NBPF6: variants seen among roughly 807,000 people sequenced by gnomAD.
NBPF6 encodes the protein NBPF family member NBPF6.
NBPF6 carries 2 observed loss-of-function variants against 20.8 expected under a neutral mutation model. That is an observed-to-expected ratio of 0.10 (90% CI 0.04 to 0.30). NBPF6 has a LOEUF of 0.30. Ranked by LOEUF, NBPF6 falls within the 10% of genes least tolerant of loss-of-function variation. NBPF6 has a pLI of 1.00. For missense variants in NBPF6, 85 were observed against 260.3 expected (o/e 0.33, Z 4.63); for synonymous variants, 24 against 100.0 (o/e 0.24, Z 4.53).
In NBPF6 at chr1:108,470,585, T is replaced by C. The variant is rs915766102; in HGVS notation, c.1876-12T>C. 6.5e-7 allele frequency: 1 copy of C among 1,547,198 alleles called. No homozygotes were observed. The highest frequency in any genetic ancestry group is 1.2e-5 in the South Asian group (1 of 83,012). On this transcript the variant is annotated splice_polypyrimidine_tract_variant and intron_variant, in intron 14 of 14. Coordinates refer to ENST00000495380, the MANE Select transcript of NBPF6 (RefSeq NM_001143988.2). ...ATGCTCATTTGATTTTTTTTCTCTC[T>C]CTCCCCTACAGATACCAAATACTGC...
At chr1:108,430,181 G>T in the NBPF6 span, among the ~76,000 whole-genome samples, 1 of 33,506 alleles carries the variant, frequency 3.0e-5, no homozygotes, top group Non-Finnish European at 1.1e-4. Flanking sequence ...CCATTTGCTT[G>T]GTAAATTTTC....
In NBPF6 at chr1:108,471,223, G is replaced by A. The variant is rs1355419656; in HGVS notation, c.*585G>A. Among the ~76,000 whole-genome samples the A allele has an allele frequency of 6.6e-6, 1 of 152,192 alleles. No homozygotes were observed. The highest frequency in any genetic ancestry group is 1.9e-4 in the East Asian group (1 of 5,194). ...ACCCAAAACATCTCCTTATCTTTTT[G>A]TTGTTGTCATCGATGGTGGTGACAT... On this transcript the variant is annotated 3_prime_UTR_variant, in exon 15 of 15. Coordinates refer to ENST00000495380, the MANE Select transcript of NBPF6 (RefSeq NM_001143988.2).
chr1:108,469,422 CT>C (rs1653339132), intron 14 of NBPF6, among the ~76,000 whole-genome samples: 1 of 150,594 alleles, frequency 6.6e-6, no homozygotes, highest in Non-Finnish European at 1.5e-5. Context: ...ATTGGTCCCC[CT>C]GTCCTGAAGA....
At position 108,471,705 on chromosome 1, in the gene NBPF6, C is replaced by G. The variant is rs925510532; in HGVS notation, c.*1067C>G. Among the ~76,000 whole-genome samples, 1 of 152,090 alleles carries G rather than the reference C, an allele frequency of 6.6e-6. No homozygotes were observed. The highest frequency in any genetic ancestry group is 1.5e-5 in the Non-Finnish European group (1 of 68,010). The stretch of plus-strand genomic sequence containing the variant: ...CATTCTGTCGTAAAAAGGAACATTC[C>G]CTGCCCAAAGTTTGACTTTCATCCA... On this transcript the variant is annotated 3_prime_UTR_variant, in exon 15 of 15. Coordinates refer to ENST00000495380, the MANE Select transcript of NBPF6 (RefSeq NM_001143988.2).
rs1239563400 is a variant in NBPF6 at position 108,465,342 on chromosome 1, C to T, written c.1578C>T (p.Asn526=). 2.2e-5 allele frequency: 24 copies of T among 1,098,800 alleles called. 9 individuals carry two copies. Among genetic ancestry groups the T allele is most frequent in the African/African-American group, 6.9e-5 (3 of 43,434 alleles). 68.1% of individuals were successfully genotyped at this position (1,098,800 alleles called of 1,614,324 possible). The change falls in exon 13 of 15, where the codon AAC becomes AAT. Residue 526 remains asparagine, a synonymous_variant. Coordinates refer to ENST00000495380, the MANE Select transcript of NBPF6 (RefSeq NM_001143988.2). ...TGGATCAAGGGTTCCACTGTGGGAA[C>T]GGCTTGGCCCAGCGGGGCCTTTCCT... The part of the protein sequence containing the change: ...LQLDQGFHCG[N]GLAQRGLSST...
At chr1:108,426,990 CTCTT>C in the NBPF6 span, among the ~76,000 whole-genome samples, 21 of 28,152 alleles carry the variant, frequency 7.5e-4, 1 homozygote, top group East Asian at 0.019. Flanking sequence ...TTTCTTCTCT[CTCTT>C]TGTTTTTCTT....
intron 14 of NBPF6, among the ~76,000 whole-genome samples, chr1:108,468,012 AC>A (rs1350419451): frequency 6.6e-6 from 1 of 151,070 alleles, no homozygotes; most frequent in African/African-American, 2.5e-5. Context: ...TGGGAAATTT[AC>A]CTTTCCTTGC....
chr1:108,448,396 T>A (rs1652693804), upstream of NBPF6, among the ~76,000 whole-genome samples: 1 of 149,442 alleles, frequency 6.7e-6, no homozygotes. Context: ...AGTCTCATAT[T>A]TCTCTTGTAT....
Position 108,465,367 on chromosome 1 carries a change from TC to T in NBPF6, c.1605del (p.Thr536ProfsTer22), listed in dbSNP as rs1653132260. On this transcript the variant is annotated frameshift_variant, in exon 13 of 15. Coordinates refer to ENST00000495380, the MANE Select transcript of NBPF6 (RefSeq NM_001143988.2). LOFTEE classifies it high-confidence loss of function. Reference protein sequence around the residue: ...GNGLAQRGLSSTTCSFSANAD... With the variant: ...GNGLAQRGLSXTTCSFSANAD... ...CGGCTTGGCCCAGCGGGGCCTTTCC[TC>T]CACCACCTGCAGCTTCTCAGCCAAT... 1 of 1,005,024 alleles carries T rather than the reference TC, an allele frequency of 1.0e-6. No individual in the cohort carries two copies. Among genetic ancestry groups the T allele is most frequent in the Non-Finnish European group, 1.4e-6 (1 of 723,148 alleles). The allele number at this position is 1,005,024 out of a possible 1,614,324, so 62.3% of individuals were successfully genotyped here.
At chr1:108,428,470 C>G in the NBPF6 span, among the ~76,000 whole-genome samples, 1 of 3,128 alleles carries the variant, frequency 3.2e-4, no homozygotes, top group African/African-American at 4.3e-4. Flanking sequence ...AACTATCCCT[C>G]CCCCCTTCCC....
At chr1:108,449,420 A>C (rs868806970), upstream of NBPF6, among the ~76,000 whole-genome samples, 165 of 3,088 alleles carry the variant, frequency 0.053, 2 homozygotes, top group African/African-American at 0.14. Flanking sequence ...GAACAACTAT[A>C]TATATATATA....
intron 14 of NBPF6, among the ~76,000 whole-genome samples, chr1:108,467,916 GGAGA>G (rs535692353): frequency 0.011 from 1,683 of 150,858 alleles, 121 homozygotes; most frequent in African/African-American, 0.038. Context: ...CATGGCCACA[GGAGA>G]GCCAGGCCTC....
Position 108,471,688 on chromosome 1 carries a change from C to T in NBPF6, c.*1050C>T, listed in dbSNP as rs918128064. 3.9e-5 allele frequency among the ~76,000 whole-genome samples: 6 copies of T among 152,046 alleles called. No homozygotes were observed. The highest frequency in any genetic ancestry group is 9.7e-5 in the African/African-American group (4 of 41,398). On this transcript the variant is annotated 3_prime_UTR_variant, in exon 15 of 15. Transcript: ENST00000495380. Reference sequence around the variant, plus strand: ...GTACTTGTTTTTGCTGGCATTCTGTCGTAAAAAGGAACATTCCCTGCCCAA... The same window carrying T: ...GTACTTGTTTTTGCTGGCATTCTGTTGTAAAAAGGAACATTCCCTGCCCAA...
At chr1:108,453,051 C>T in intron 3 of NBPF6, 130 bp from the exon 4 acceptor site, 1 of 241,664 alleles carries the variant, frequency 4.1e-6, no homozygotes, top group South Asian at 3.0e-5. Flanking sequence ...ACAGACATTT[C>T]CCCAAACATG....
At chr1:108,434,996 T>C in the NBPF6 span, among the ~76,000 whole-genome samples, 1 of 96,470 alleles carries the variant, frequency 1.0e-5, no homozygotes, top group Non-Finnish European at 2.6e-5. Context: ...TTCATTTGAG[T>C]AACTAGACTT....
At position 108,470,783 on chromosome 1, in the gene NBPF6, T is replaced by TGC; in HGVS notation, c.*145_*146insGC. The TGC allele has an allele frequency of 1.8e-6, 1 of 546,670 alleles. No individual in the cohort carries two copies. Among genetic ancestry groups the TGC allele is most frequent in the Non-Finnish European group, 3.3e-6 (1 of 305,162 alleles). The allele number at this position is 546,670 out of a possible 1,614,324, so 33.9% of individuals were successfully genotyped here. On this transcript the variant is annotated 3_prime_UTR_variant, in exon 15 of 15. Coordinates refer to ENST00000495380, the MANE Select transcript of NBPF6 (RefSeq NM_001143988.2). Reference sequence around the variant, plus strand: ...AATACTCTTGATGACTTCAAGCCACTATGCTCCTTTGATTTGAGAAGCCAC... The same window carrying TGC: ...AATACTCTTGATGACTTCAAGCCACTGCATGCTCCTTTGATTTGAGAAGCCAC...
At chr1:108,449,416 CTATATATATA>C (rs1165819915), upstream of NBPF6, among the ~76,000 whole-genome samples, 16 of 8,844 alleles carry the variant, frequency 1.8e-3, 2 homozygotes, top group Non-Finnish European at 4.3e-3. Flanking sequence ...GTTAGAACAA[CTATATATATA>C]TATATATATA....
chr1:108,465,199 G>A lies in NBPF6; in HGVS notation c.1435G>A (p.Ala479Thr). ...SALDVASPTE[A>T]ACPQGTWSGD... ...CCTTCTCCTTTCAGCCCCCACCGAG[G>A]CGGCCTGTCCCCAAGGGACTTGGAG... The change falls in exon 13 of 15, where the codon GCG becomes ACG. Residue 479 changes from alanine (A) to threonine (T), a missense_variant. Around this residue, in one of 5 missense-constraint regions of NBPF6, gnomAD observed 43 missense variants for 97.3 expected, o/e 0.44. Transcript: ENST00000495380. The A allele has an allele frequency of 8.8e-7, 1 of 1,140,284 alleles. No homozygotes were observed. Among genetic ancestry groups the A allele is most frequent in the South Asian group, 1.4e-5 (1 of 70,168 alleles). 70.6% of individuals were successfully genotyped at this position (1,140,284 alleles called of 1,614,324 possible).
chr1:108,429,519 G>A, the NBPF6 span, among the ~76,000 whole-genome samples: 7 of 110,148 alleles, frequency 6.4e-5, no homozygotes, highest in African/African-American at 1.3e-4. Flanking sequence ...ATTCTGGTAC[G>A]TTGTCTCTTT....
Sources: allele counts gnomAD v4.1 joint callset (sites outside exome capture counted in the v4.1 genomes callset), GRCh38; gene constraint gnomAD v4.1.1; regional missense constraint gnomAD v4.1.1; transcripts MANE v1.5; gene names NCBI Gene and HGNC (gene_info 2026-07-23, HGNC 2026-07-21).